Variants in ERC1 observed in about 807,000 individuals in gnomAD.
The protein encoded by ERC1 is ELKS/RAB6-interacting/CAST family member 1.
A neutral mutation model predicts 132.0 loss-of-function variants in ERC1; 56 were observed. That is an observed-to-expected ratio of 0.42 (90% confidence interval 0.34 to 0.53). ERC1 has a LOEUF of 0.53. ERC1 is among the 20% of genes least tolerant of loss of function. ERC1 has a pLI of 0.03. For synonymous variants in ERC1, 478 were observed against 476.1 expected (o/e 1.00, Z -0.05); for missense variants, 1,202 against 1,349.9 (o/e 0.89, Z 1.72).
chr12:1,206,477 C>T (rs1415858922), intron 12 of ERC1, among the ~76,000 whole-genome samples: 1 of 152,010 alleles, frequency 6.6e-6, no homozygotes, highest in African/African-American at 2.4e-5. Context: ...TCTCTTCTCC[C>T]TTGTCTTCTT....
At chr12:1,056,135 A>G (rs1419077253) in intron 2 of ERC1, among the ~76,000 whole-genome samples, 3 of 151,976 alleles carry the variant, frequency 2.0e-5, no homozygotes, top group African/African-American at 7.2e-5. Flanking sequence ...GGATATCCAT[A>G]AAATTTTTTT....
Position 1,341,133 on chromosome 12 carries a change from G to A in ERC1, c.2781-30700G>A, listed in dbSNP as rs540662228. ...TTTTGAGGCAGAGTCTTACTCTGTC[G>A]CCCAGGCTGGAGTGCAGTGGCGCAA... is the stretch of plus-strand genomic sequence containing the variant. On this transcript the variant is annotated intron_variant, in intron 15 of 18. Coordinates refer to ENST00000360905, the MANE Select transcript of ERC1 (RefSeq NM_178040.4). 7.2e-3 allele frequency among the ~76,000 whole-genome samples: 652 copies of A among 90,998 alleles called. 11 individuals are homozygous for A. Among genetic ancestry groups the A allele is most frequent in the African/African-American group, 0.023 (589 of 25,164 alleles). 59.7% of individuals were successfully genotyped at this position (90,998 alleles called of 152,430 possible). A position where few individuals can be genotyped will look rare whatever the true frequency, so the allele number is the denominator to read the frequency against.
chr12:1,263,116 A>C lies in ERC1; in HGVS notation c.2570A>C (p.Glu857Ala). Residue 857 changes from glutamate to alanine, a missense_variant, in exon 14 of 19, where the codon GAA becomes GCA. By Grantham distance (107) the Glu-to-Ala change is moderately radical. Transcript: ENST00000360905. The stretch of plus-strand genomic sequence containing the variant: ...AGTGTACAGATAACTGCAGAGCGGG[A>C]AATGGTGCTAGCACAAGAGGAATCA... Reference protein sequence around the residue: ...RESVQITAEREMVLAQEESAR... With the variant: ...RESVQITAERAMVLAQEESAR... The C allele has an allele frequency of 6.2e-7, 1 of 1,614,090 alleles. No homozygotes were observed. The highest frequency in any genetic ancestry group is 8.5e-7 in the Non-Finnish European group (1 of 1,179,956).
intron 15 of ERC1, among the ~76,000 whole-genome samples, chr12:1,361,972 C>T (rs542528607): frequency 9.9e-5 from 15 of 152,242 alleles, no homozygotes; most frequent in Admixed American, 4.6e-4. Flanking sequence ...TTCTGTTTTT[C>T]CATGCAGTTC....
In ERC1 at chr12:1,127,013, AC is replaced by A. The variant is rs1383261251; in HGVS notation, c.1569+10982del. ...AAAAAAAAAAAAAAAAAAAAAAAAA[AC>A]CTCAAAAATCAATAGAGACTATAGG... is the stretch of plus-strand genomic sequence containing the variant. On this transcript the variant is annotated intron_variant, in intron 7 of 18. Coordinates refer to ENST00000360905, the MANE Select transcript of ERC1 (RefSeq NM_178040.4). Among the ~76,000 whole-genome samples the A allele has an allele frequency of 1.9e-3, 281 of 146,892 alleles. 2 individuals carry two copies. The highest frequency in any genetic ancestry group is 6.8e-3 in the African/African-American group (266 of 39,164).
At chr12:1,219,803 ATTTTTGTGT>A (rs1241420580) in intron 12 of ERC1, among the ~76,000 whole-genome samples, 2 of 151,956 alleles carry the variant, frequency 1.3e-5, no homozygotes, top group Admixed American at 6.6e-5. Flanking sequence ...TGCCTGGCTA[ATTTTTGTGT>A]TTTTTGTAGA....
At chr12:1,327,158 AAATT>A in intron 15 of ERC1, among the ~76,000 whole-genome samples, 1 of 152,076 alleles carries the variant, frequency 6.6e-6, no homozygotes, top group South Asian at 2.1e-4. Context: ...ACAAATTACC[AAATT>A]AATTCAAATG....
chr12:1,477,792 C>T (rs2094003930), intron 18 of ERC1, among the ~76,000 whole-genome samples: 1 of 152,228 alleles, frequency 6.6e-6, no homozygotes, highest in African/African-American at 2.4e-5. Context: ...CAAGGATAAC[C>T]TGACCTCAAA....
chr12:1,299,784 A>G (rs1332427628), intron 15 of ERC1, among the ~76,000 whole-genome samples: 1 of 152,188 alleles, frequency 6.6e-6, no homozygotes, highest in African/African-American at 2.4e-5. Context: ...TGAATTGCCA[A>G]TACCTGGAAC....
chr12:1,105,902 A>G (rs892680760), intron 4 of ERC1, among the ~76,000 whole-genome samples: 1 of 152,208 alleles, frequency 6.6e-6, no homozygotes, highest in Non-Finnish European at 1.5e-5. Context: ...AAGTGACATC[A>G]TGGTATTATT....
At chr12:1,018,809 TTAAC>T (rs755504330) in intron 1 of ERC1, among the ~76,000 whole-genome samples, 11 of 152,314 alleles carry the variant, frequency 7.2e-5, no homozygotes, top group Admixed American at 3.9e-4. Context: ...AAGGAGGTGA[TTAAC>T]TAAAACAATA....
intron 2 of ERC1, among the ~76,000 whole-genome samples, chr12:1,062,238 C>CT (rs1212960142): frequency 1.1e-4 from 16 of 151,872 alleles, no homozygotes; most frequent in Admixed American, 1.1e-3. Flanking sequence ...CCGCCTCGGC[C>CT]CCCGAAGTGC....
intron 18 of ERC1, among the ~76,000 whole-genome samples, chr12:1,479,655 C>T (rs193102182): frequency 8.5e-5 from 13 of 152,180 alleles, no homozygotes; most frequent in East Asian, 1.9e-4. Context: ...CTTTTCAGGA[C>T]GGGCAGGATT....
At chr12:1,284,744 C>T (rs752803635) in intron 14 of ERC1, among the ~76,000 whole-genome samples, 1 of 152,106 alleles carries the variant, frequency 6.6e-6, no homozygotes. Context: ...GATCATAGCT[C>T]ACTGCAGCTG....
intron 12 of ERC1, 35 bp from the exon 13 acceptor site, chr12:1,236,734 T>C: frequency 6.2e-7 from 1 of 1,601,344 alleles, no homozygotes; most frequent in Non-Finnish European, 8.5e-7. Flanking sequence ...TATACATACA[T>C]ATGCAAAGCT....
chr12:1,172,291 A>G (rs556058499), intron 8 of ERC1, among the ~76,000 whole-genome samples: 39 of 152,264 alleles, frequency 2.6e-4, no homozygotes, highest in African/African-American at 9.1e-4. Context: ...GCAATGTTGC[A>G]GTACTTCATC....
chr12:1,131,244 T>G (rs994910376), intron 7 of ERC1, among the ~76,000 whole-genome samples: 1 of 152,042 alleles, frequency 6.6e-6, no homozygotes, highest in Non-Finnish European at 1.5e-5. Context: ...GGAGGTTCCA[T>G]GCAGTGAGAT....
At chr12:1,353,391 T>G (rs1228385006) in intron 15 of ERC1, among the ~76,000 whole-genome samples, 1 of 152,182 alleles carries the variant, frequency 6.6e-6, no homozygotes, top group Non-Finnish European at 1.5e-5. Context: ...TAAGGACAGT[T>G]ATTTGAAAGA....
At chr12:1,271,340 C>T (rs2077840158) in intron 14 of ERC1, among the ~76,000 whole-genome samples, 1 of 151,904 alleles carries the variant, frequency 6.6e-6, no homozygotes. Flanking sequence ...GGAAATAGAG[C>T]TAAAAGGATT....
Sources: gnomAD v4.1 joint callset for allele counts (sites outside exome capture counted in the v4.1 genomes callset) on GRCh38, gnomAD v4.1.1 for gene constraint, MANE v1.5 for transcripts, NCBI Gene and HGNC (gene_info 2026-07-23, HGNC 2026-07-21) for gene names.